TECRL: variants seen among roughly 807,000 people sequenced by gnomAD.
The protein encoded by TECRL is trans-2,3-enoyl-CoA reductase-like.
In TECRL, 63 loss-of-function variants were observed where a neutral mutation model predicts 52.8. The observed-to-expected ratio is 1.19, with a 90% confidence interval of 0.97 to 1.47. The LOEUF is 1.47. TECRL is among the 40% of genes most tolerant of loss of function. TECRL has a pLI of 0.00. For missense variants in TECRL, 482 were observed against 429.6 expected, an observed-to-expected ratio of 1.12 and a Z score of -1.08; for synonymous variants, 164 against 141.9, an observed-to-expected ratio of 1.16 and a Z score of -1.10.
intron 4 of TECRL, among the ~76,000 whole-genome samples, chr4:64,318,551 G>T (rs1717668682): frequency 6.6e-6 from 1 of 151,912 alleles, no homozygotes; most frequent in Non-Finnish European, 1.5e-5. Context: ...GCATATCATA[G>T]TCAAATTGCC....
intron 2 of TECRL, among the ~76,000 whole-genome samples, chr4:64,335,689 A>G (rs1469195924): frequency 6.6e-6 from 1 of 152,178 alleles, no homozygotes; most frequent in African/African-American, 2.4e-5. Context: ...TTGTCCTGCT[A>G]TGATATAAAA....
Position 64,409,243 on chromosome 4 carries a change from AC to A in TECRL, c.108del (p.Leu36PhefsTer11). The A allele has an allele frequency of 6.3e-7, 1 of 1,595,388 alleles. No individual in the cohort carries two copies. Among genetic ancestry groups the A allele is most frequent in the Non-Finnish European group, 8.6e-7 (1 of 1,169,230 alleles). On this transcript the variant is annotated frameshift_variant, in exon 1 of 12. Transcript: ENST00000381210. LOFTEE classifies it high-confidence loss of function. ...LKDDMRNFHF[L>X]SKLVLSAGPL... ...GGGCCCGCTGAGAGTACAAGTTTTG[AC>A]AAAAAGTGAAAATTTCTCATATCAT... is the stretch of plus-strand genomic sequence containing the variant.
chr4:64,396,227 A>G (rs1303948), intron 1 of TECRL, among the ~76,000 whole-genome samples: 38,043 of 152,036 alleles, frequency 0.25, 4,908 homozygotes, highest in South Asian at 0.3. Flanking sequence ...TCTGCTTTAA[A>G]TTCTTTGAGA....
rs1050682168 is a variant in TECRL, at chr4:64,375,911, C to T, written c.235-688G>A. 4.6e-5 allele frequency among the ~76,000 whole-genome samples: 7 copies of T among 151,784 alleles called. No homozygotes were observed. In the East Asian group the frequency reaches 1.4e-3, roughly 29 times the overall value. Reference sequence around the variant, plus strand: ...TCCATGCAAATACTTCAAGCCATCGCAATACTTTTTTTTCTGAATTTGTCT... The same window carrying T: ...TCCATGCAAATACTTCAAGCCATCGTAATACTTTTTTTTCTGAATTTGTCT... On this transcript the variant is annotated intron_variant, in intron 1 of 11. Coordinates refer to ENST00000381210, the MANE Select transcript of TECRL (RefSeq NM_001010874.5).
At chr4:64,327,101 G>C (rs1287312680) in intron 3 of TECRL, among the ~76,000 whole-genome samples, 1 of 152,052 alleles carries the variant, frequency 6.6e-6, no homozygotes, top group African/African-American at 2.4e-5. Flanking sequence ...ATGTAGGCAA[G>C]TAAGTATGAG....
chr4:64,310,206 G>C (rs747800061), intron 5 of TECRL, among the ~76,000 whole-genome samples: 4 of 152,110 alleles, frequency 2.6e-5, no homozygotes, highest in Non-Finnish European at 4.4e-5. Context: ...GCTCACACCT[G>C]TCCCAGGAGT....
At chr4:64,404,617 T>C (rs1724587144) in intron 1 of TECRL, among the ~76,000 whole-genome samples, 1 of 152,088 alleles carries the variant, frequency 6.6e-6, no homozygotes, top group Non-Finnish European at 1.5e-5. Context: ...TAAATAAATA[T>C]TCCCATCTGC....
At chr4:64,361,213 T>C (rs1245387028) in intron 2 of TECRL, among the ~76,000 whole-genome samples, 1 of 152,126 alleles carries the variant, frequency 6.6e-6, no homozygotes, top group Non-Finnish European at 1.5e-5. Flanking sequence ...GACAGACCTC[T>C]GCCAGCATAC....
At chr4:64,315,864 A>AAT (rs1241341024) in intron 4 of TECRL, among the ~76,000 whole-genome samples, 9 of 151,968 alleles carry the variant, frequency 5.9e-5, no homozygotes, top group Admixed American at 5.2e-4. Context: ...GTCTTTTAGA[A>AAT]ATATATATAT....
At chr4:64,287,479 A>G (rs1037219638) in intron 9 of TECRL, among the ~76,000 whole-genome samples, 2 of 152,140 alleles carry the variant, frequency 1.3e-5, no homozygotes, top group African/African-American at 2.4e-5. Flanking sequence ...AATGTTTATC[A>G]TTTCTATTTG....
intron 2 of TECRL, among the ~76,000 whole-genome samples, chr4:64,340,376 C>T (rs1054235389): frequency 2.6e-5 from 4 of 152,212 alleles, no homozygotes; most frequent in African/African-American, 9.6e-5. Context: ...TCTAGGGAGG[C>T]CCCGCTGCCT....
intron 4 of TECRL, 50 bp from the exon 5 acceptor site, chr4:64,314,813 A>C: frequency 7.4e-7 from 1 of 1,351,356 alleles, no homozygotes; most frequent in South Asian, 1.2e-5. Flanking sequence ...GATGTTTTTA[A>C]GGTTCATTTG....
chr4:64,356,515 A>G (rs1274786362), intron 2 of TECRL, among the ~76,000 whole-genome samples: 1 of 152,108 alleles, frequency 6.6e-6, no homozygotes, highest in African/African-American at 2.4e-5. Flanking sequence ...CTCCACTGAG[A>G]TGTTTAGGCG....
intron 2 of TECRL, 82 bp downstream of exon 2, chr4:64,375,090 T>A (rs956220375): frequency 1.6e-6 from 1 of 633,098 alleles, no homozygotes; most frequent in Admixed American, 3.9e-5. Context: ...CACTCTAACA[T>A]ATATTGCACT....
At chr4:64,402,363 CCTCA>C (rs1724413036) in intron 1 of TECRL, among the ~76,000 whole-genome samples, 1 of 151,778 alleles carries the variant, frequency 6.6e-6, no homozygotes, top group Non-Finnish European at 1.5e-5. Flanking sequence ...CAATTATAAG[CCTCA>C]CTATTTTATG....
At chr4:64,373,389 T>C (rs2109668625) in intron 2 of TECRL, among the ~76,000 whole-genome samples, 1 of 151,988 alleles carries the variant, frequency 6.6e-6, no homozygotes, top group South Asian at 2.1e-4. Context: ...TATTGTCAGC[T>C]ATCTACTTTT....
chr4:64,366,672 G>C (rs1050329063), intron 2 of TECRL, among the ~76,000 whole-genome samples: 2 of 152,148 alleles, frequency 1.3e-5, no homozygotes, highest in South Asian at 4.1e-4. Flanking sequence ...AATCATTAGA[G>C]AGATGCAAAT....
intron 8 of TECRL, 58 bp downstream of exon 8, chr4:64,299,916 T>G: frequency 1.9e-6 from 2 of 1,062,730 alleles, no homozygotes; most frequent in South Asian, 3.8e-5. Flanking sequence ...TACAGTCTGT[T>G]TTTCTTAATA....
At chr4:64,376,143 G>A (rs1212943795) in intron 1 of TECRL, among the ~76,000 whole-genome samples, 1 of 151,768 alleles carries the variant, frequency 6.6e-6, no homozygotes, top group Non-Finnish European at 1.5e-5. Context: ...CATTACATTT[G>A]ATGTTTTATT....
Sources: allele counts gnomAD v4.1 joint callset (sites outside exome capture counted in the v4.1 genomes callset), GRCh38; gene constraint gnomAD v4.1.1; transcripts MANE v1.5; gene names NCBI Gene and HGNC (gene_info 2026-07-23, HGNC 2026-07-21).